The following DACH2 variants were observed in gnomAD, a reference collection of about 807,000 sequenced individuals.
The protein encoded by DACH2 is dachshund homolog 2.
In DACH2, 17 loss-of-function variants were observed where a neutral mutation model predicts 35.8. The ratio of observed to expected loss-of-function variants is 0.48; its 90% CI spans 0.33 to 0.71. The LOEUF is 0.71. Among genes scored for constraint, DACH2 ranks in the 30% least tolerant of loss-of-function variants. The pLI is 0.02. For synonymous variants in DACH2, 195 were observed against 177.3 expected, an observed-to-expected ratio of 1.10 and a Z score of -0.79; for missense variants, 469 against 472.7, an observed-to-expected ratio of 0.99 and a Z score of 0.07.
rs760287505 is a variant in DACH2, at chrX:86,813,218, G to T, written c.1478G>T (p.Arg493Ile). 8 of 1,202,330 alleles carry T rather than the reference G, an allele frequency of 6.7e-6. No individual in the cohort carries two copies. The highest frequency in any genetic ancestry group is 1.8e-5 in the South Asian group (1 of 55,290). ...AAGGAGCTGCGACTGGAGCTCTATA[G>T]AGAGAGAGAAATTAGAGAAAACCTT... ...EKKELRLELYREREIRENLER... is the reference protein window; with the variant it reads ...EKKELRLELYIEREIRENLER... The change falls in exon 9 of 12, where the codon AGA becomes ATA. Residue 493 changes from arginine (R) to isoleucine (I), a missense_variant. By Grantham distance (97) the Arg-to-Ile change is moderately conservative. Coordinates refer to ENST00000373125, the MANE Select transcript of DACH2 (RefSeq NM_053281.3).
intron 3 of DACH2, among the ~76,000 whole-genome samples, chrX:86,640,982 C>T (rs993594204): frequency 2.7e-5 from 3 of 112,118 alleles, no homozygotes; most frequent in African/African-American, 9.7e-5. Context: ...ATTAAAGGAA[C>T]AATCACACAC....
intron 4 of DACH2, among the ~76,000 whole-genome samples, chrX:86,672,414 C>T (rs773072006): frequency 2.1e-4 from 24 of 111,874 alleles, no homozygotes; most frequent in African/African-American, 7.8e-4. Flanking sequence ...CAGCCCCTCA[C>T]ATCACAGGCC....
intron 4 of DACH2, among the ~76,000 whole-genome samples, chrX:86,671,650 T>C (rs1386291837): frequency 8.9e-6 from 1 of 112,000 alleles, no homozygotes; most frequent in Non-Finnish European, 1.9e-5. Flanking sequence ...CCAGACTTAC[T>C]GTACAGTCTG....
chrX:86,683,521 G>C (rs970209141), intron 4 of DACH2, among the ~76,000 whole-genome samples: 9 of 111,494 alleles, frequency 8.1e-5, no homozygotes, highest in Non-Finnish European at 1.5e-4. Context: ...AGAGCAACAA[G>C]TTTTTTGCAC....
At chrX:86,544,353 A>C (rs1185795843) in intron 3 of DACH2, among the ~76,000 whole-genome samples, 4 of 111,398 alleles carry the variant, frequency 3.6e-5, no homozygotes, top group Admixed American at 9.6e-5. Context: ...AGATTATCCA[A>C]AGTAAACATG....
At chrX:86,449,775 A>G (rs951261289) in intron 2 of DACH2, among the ~76,000 whole-genome samples, 5 of 111,504 alleles carry the variant, frequency 4.5e-5, no homozygotes, top group Non-Finnish European at 7.6e-5. Flanking sequence ...AAGTTTCTAT[A>G]TTTTAATCCC....
intron 4 of DACH2, among the ~76,000 whole-genome samples, chrX:86,680,713 G>A (rs1415612281): frequency 2.9e-5 from 3 of 103,920 alleles, no homozygotes; most frequent in Non-Finnish European, 5.9e-5. Context: ...GAGTGCAGTG[G>A]TGAGATCATA....
intron 6 of DACH2, among the ~76,000 whole-genome samples, chrX:86,721,411 C>A (rs747904655): frequency 4.5e-5 from 5 of 111,896 alleles, no homozygotes; most frequent in African/African-American, 6.5e-5. Flanking sequence ...CAAAATGCTG[C>A]CAATCTCTTT....
intron 7 of DACH2, among the ~76,000 whole-genome samples, chrX:86,749,231 C>T (rs960708829): frequency 1.8e-4 from 20 of 111,965 alleles, no homozygotes; most frequent in African/African-American, 6.2e-4. Context: ...CTCTTAATGT[C>T]CTTCAAGAAC....
rs561068066 is a variant in DACH2, at chrX:86,600,078, G to T, written c.641-50958G>T. On this transcript the variant is annotated intron_variant, in intron 3 of 11. Transcript: ENST00000373125. ...AACATTCAGCTGTAAACTGGGAAAA[G>T]AGGGAGGCCTGTGATTTTTGTCACA... is the stretch of plus-strand genomic sequence containing the variant. Among the ~76,000 whole-genome samples the T allele has an allele frequency of 2.5e-4, 28 of 112,068 alleles. 1 individual carries two copies. The Admixed American group carries it at 2.7e-3, about 11-fold the overall frequency.
chrX:86,494,191 T>G (rs1201302611), intron 2 of DACH2, among the ~76,000 whole-genome samples: 12 of 112,334 alleles, frequency 1.1e-4, no homozygotes, highest in Non-Finnish European at 1.9e-4. Flanking sequence ...AAGATGTAGC[T>G]ATGACATTTT....
At chrX:86,546,357 C>CTTCTTCTTCT (rs2038959347) in intron 3 of DACH2, among the ~76,000 whole-genome samples, 1 of 50,066 alleles carries the variant, frequency 2.0e-5, no homozygotes, top group East Asian at 7.4e-4. Context: ...CTTCTTCTTC[C>CTTCTTCTTCT]TCTTCTTCTT....
At chrX:86,785,625 G>T (rs1205098585) in intron 7 of DACH2, among the ~76,000 whole-genome samples, 1 of 111,784 alleles carries the variant, frequency 8.9e-6, no homozygotes, top group Non-Finnish European at 1.9e-5. Context: ...CTCTTTCTGG[G>T]AGTTTTGCTA....
chrX:86,649,788 A>C (rs2040457130), intron 3 of DACH2, among the ~76,000 whole-genome samples: 1 of 111,351 alleles, frequency 9.0e-6, no homozygotes, highest in African/African-American at 3.3e-5. Flanking sequence ...CTCAGCTTAC[A>C]TATTTGATAA....
chrX:86,788,568 C>T (rs143802467), intron 7 of DACH2, among the ~76,000 whole-genome samples: 3,427 of 111,995 alleles, frequency 0.031, 125 homozygotes, highest in African/African-American at 0.1. Flanking sequence ...ATACCACTTT[C>T]TCACTTTTTC....
At chrX:86,584,686 C>T (rs146707416) in intron 3 of DACH2, among the ~76,000 whole-genome samples, 9,665 of 110,216 alleles carry the variant, frequency 0.088, 1,058 homozygotes, top group African/African-American at 0.3. Flanking sequence ...GAGTACATAA[C>T]GGGTGTATAG....
chrX:86,341,986 T>C (rs1394441227), intron 1 of DACH2, among the ~76,000 whole-genome samples: 1 of 112,033 alleles, frequency 8.9e-6, no homozygotes, highest in Non-Finnish European at 1.9e-5. Context: ...AATCTATCCC[T>C]GGTAAAGATG....
chrX:86,823,890 G>A (rs759512636), intron 11 of DACH2, among the ~76,000 whole-genome samples: 2 of 111,629 alleles, frequency 1.8e-5, no homozygotes, highest in South Asian at 7.6e-4. Flanking sequence ...GGAGAACAAA[G>A]ATCACATGCT....
In DACH2 at chrX:86,160,061, AC is replaced by A. The variant is rs765479898; in HGVS notation, c.488+10954del. Among the ~76,000 whole-genome samples, 17 of 99,476 alleles carry A rather than the reference AC, an allele frequency of 1.7e-4. 1 individual carries two copies. The highest frequency in any genetic ancestry group is 6.6e-4 in the African/African-American group (13 of 19,638). 86.4% of individuals were successfully genotyped at this position (99,476 alleles called of 115,157 possible). ...ACATGTAAAAAAAAAAACAAAAAAA[AC>A]AAAGTGTTCCACAAAACATTCTGCC... On this transcript the variant is annotated intron_variant, in intron 1 of 11. Coordinates refer to ENST00000373125, the MANE Select transcript of DACH2 (RefSeq NM_053281.3).
Sources: gnomAD v4.1 joint callset for allele counts (sites outside exome capture counted in the v4.1 genomes callset) on GRCh38, gnomAD v4.1.1 for gene constraint, MANE v1.5 for transcripts, NCBI Gene and HGNC (gene_info 2026-07-23, HGNC 2026-07-21) for gene names.